The following TSPEAR variants were observed in gnomAD, a reference collection of about 807,000 sequenced individuals.
TSPEAR encodes the protein thrombospondin type laminin G domain and EAR repeats, also known as thrombospondin-type laminin G domain and EAR repeat-containing protein.
A neutral mutation model predicts 71.6 loss-of-function variants in TSPEAR; 69 were observed. That is an observed-to-expected ratio of 0.96 (90% CI 0.79 to 1.18). The LOEUF (loss-of-function observed/expected upper bound fraction) is 1.18. Among genes scored for constraint, TSPEAR ranks in the 50% most tolerant of loss-of-function variants. The probability of loss-of-function intolerance (pLI) is 0.00; values close to 1 mark genes in which losing one functional copy is unlikely to be tolerated. For missense variants in TSPEAR, 971 were observed against 894.9 expected (o/e 1.09, Z -1.09); for synonymous variants, 402 against 387.2 (o/e 1.04, Z -0.45).
intron 9 of TSPEAR, among the ~76,000 whole-genome samples, chr21:44,521,572 C>G (rs144993040): frequency 6.6e-6 from 1 of 152,218 alleles, no homozygotes; most frequent in African/African-American, 2.4e-5. Context: ...GTTCTGAGCC[C>G]GGGGGCTGCT....
chr21:44,552,798 C>T (rs375884672), intron 2 of TSPEAR, among the ~76,000 whole-genome samples: 2 of 152,312 alleles, frequency 1.3e-5, no homozygotes, highest in East Asian at 3.9e-4. Flanking sequence ...CCATCTGAAC[C>T]TGGGGCCTCC....
intron 1 of TSPEAR, among the ~76,000 whole-genome samples, chr21:44,680,257 G>A (rs782150984): frequency 3.8e-4 from 57 of 152,000 alleles, no homozygotes; most frequent in Non-Finnish European, 6.9e-4. Flanking sequence ...CTCAAAAGAA[G>A]ACATACAAAT....
chr21:44,525,502 CCAGA>C (rs750325690), intron 8 of TSPEAR, 147 bp downstream of exon 8: 4 of 857,110 alleles, frequency 4.7e-6, no homozygotes, highest in Admixed American at 2.6e-5. Flanking sequence ...TGTCCCTCCC[CCAGA>C]CAGTGAGGAA....
In TSPEAR at chr21:44,682,047, A is replaced by T. The variant is rs782449100; in HGVS notation, c.82+29386T>A. The T allele has an allele frequency of 6.2e-7, 1 of 1,613,996 alleles. No individual in the cohort carries two copies. Among genetic ancestry groups the T allele is most frequent in the Admixed American group, 1.7e-5 (1 of 60,020 alleles). The stretch of plus-strand genomic sequence containing the variant: ...CACGGAGGACTGGCAGCCCACGGGG[A>T]TGTAACAGGATGCCTGGCAGGGGCT... On this transcript the variant is annotated intron_variant, in intron 1 of 11. Transcript: ENST00000323084.
intron 11 of TSPEAR, 123 bp from the exon 12 acceptor site, chr21:44,500,059 C>T (rs1555910954): frequency 2.0e-6 from 2 of 1,017,712 alleles, no homozygotes; most frequent in South Asian, 1.6e-5. Flanking sequence ...CTCTTCCATC[C>T]CCCCGACTGG....
chr21:44,502,748 A>G (rs2052058651), intron 11 of TSPEAR, among the ~76,000 whole-genome samples: 1 of 152,230 alleles, frequency 6.6e-6, no homozygotes, highest in Non-Finnish European at 1.5e-5. Context: ...CTCGGAAATG[A>G]CACCTGACTT....
chr21:44,665,806 T>G (rs1985720661), intron 1 of TSPEAR, among the ~76,000 whole-genome samples: 1 of 152,170 alleles, frequency 6.6e-6, no homozygotes, highest in South Asian at 2.1e-4. Context: ...ACTAATCCAG[T>G]TCTGTAAACT....
chr21:44,527,104 C>T (rs913984746), intron 7 of TSPEAR, among the ~76,000 whole-genome samples, 188 bp downstream of exon 7: 1 of 152,154 alleles, frequency 6.6e-6, no homozygotes, highest in Non-Finnish European at 1.5e-5. Flanking sequence ...AGCAGACTGC[C>T]TCAAAGTCAC....
intron 1 of TSPEAR, among the ~76,000 whole-genome samples, chr21:44,622,507 C>G (rs1234290884): frequency 1.3e-5 from 2 of 152,290 alleles, no homozygotes; most frequent in Non-Finnish European, 2.9e-5. Flanking sequence ...CAGGGCCATG[C>G]TTTCTCTTAG....
At chr21:44,660,634 A>G (rs1555943432) in intron 1 of TSPEAR, among the ~76,000 whole-genome samples, 1 of 152,256 alleles carries the variant, frequency 6.6e-6, no homozygotes, top group Non-Finnish European at 1.5e-5. Flanking sequence ...GAGCCAAGGA[A>G]TATGATAGCA....
At chr21:44,568,558 G>A (rs1569190822) in intron 1 of TSPEAR, among the ~76,000 whole-genome samples, 1 of 152,218 alleles carries the variant, frequency 6.6e-6, no homozygotes, top group Admixed American at 6.5e-5. Context: ...TGGGGAACCT[G>A]GGATTCAAAG....
chr21:44,653,873 C>T (rs1984959228), intron 1 of TSPEAR, among the ~76,000 whole-genome samples: 1 of 152,214 alleles, frequency 6.6e-6, no homozygotes, highest in Admixed American at 6.5e-5. Context: ...CCAGGCCTAA[C>T]ATTCATCTGG....
At chr21:44,676,910 G>T in intron 1 of TSPEAR, 1 of 893,016 alleles carries the variant, frequency 1.1e-6, no homozygotes, top group Non-Finnish European at 1.9e-6. Context: ...TGATCGATGT[G>T]ACGATGTGCA....
chr21:44,622,708 A>G (rs1555933698), intron 1 of TSPEAR, among the ~76,000 whole-genome samples: 2 of 152,236 alleles, frequency 1.3e-5, no homozygotes, highest in African/African-American at 4.8e-5. Context: ...TTTAAGGTTC[A>G]CTATAACCCG....
chr21:44,627,372 C>A (rs1555934621), intron 1 of TSPEAR: 5 of 1,613,768 alleles, frequency 3.1e-6, no homozygotes, highest in Non-Finnish European at 4.2e-6. Context: ...CCAGCCCCTG[C>A]CAATCAGGCT....
At chr21:44,516,700 G>T (rs918495393) in intron 9 of TSPEAR, 1 of 152,196 alleles carries the variant, frequency 6.6e-6, no homozygotes, top group Non-Finnish European at 1.5e-5. Flanking sequence ...TTTCTATGTC[G>T]GGATGACCAA....
At position 44,591,256 on chromosome 21, in the gene TSPEAR, C is replaced by T; in HGVS notation, c.83-23251G>A. The T allele has an allele frequency of 2.1e-6, 3 of 1,454,076 alleles. No homozygotes were observed. The South Asian group carries it at 4.3e-5, about 21-fold the overall frequency. The allele number at this position is 1,454,076 out of a possible 1,614,324, so 90.1% of individuals were successfully genotyped here. ...CAGCATCTGGGAAGGACAGGGGGAG[C>T]ATCCTGGTCCCTAAGACAAAGAGCC... On this transcript the variant is annotated intron_variant, in intron 1 of 11. Coordinates refer to ENST00000323084, the MANE Select transcript of TSPEAR (RefSeq NM_144991.3).
chr21:44,672,583 A>G (rs1056046131), intron 1 of TSPEAR, among the ~76,000 whole-genome samples: 3 of 152,158 alleles, frequency 2.0e-5, no homozygotes, highest in African/African-American at 7.2e-5. Flanking sequence ...ACAAAAAAAA[A>G]AGAAAACCTA....
rs374481047 is a variant in TSPEAR at position 44,627,601 on chromosome 21, G to A, written c.83-59596C>T. ...CTGCCAGCCGGCCTGCTGTGTGCCCGTCTGCTGCAAACCTGTGTGCTGTGC... is the reference window on the plus strand; with the variant it reads ...CTGCCAGCCGGCCTGCTGTGTGCCCATCTGCTGCAAACCTGTGTGCTGTGC... On this transcript the variant is annotated intron_variant, in intron 1 of 11. Coordinates refer to ENST00000323084, the MANE Select transcript of TSPEAR (RefSeq NM_144991.3). 92 of 1,612,720 alleles carry A rather than the reference G, an allele frequency of 5.7e-5. No individual in the cohort carries two copies. The African/African-American group carries it at 7.5e-4, about 13-fold the overall frequency.
Sources: gnomAD v4.1 joint callset for allele counts (sites outside exome capture counted in the v4.1 genomes callset) on GRCh38, gnomAD v4.1.1 for gene constraint, MANE v1.5 for transcripts, NCBI Gene and HGNC (gene_info 2026-07-23, HGNC 2026-07-21) for gene names.